The following AGTPBP1 variants were observed in gnomAD, a reference collection of about 807,000 sequenced individuals.
AGTPBP1 encodes ATP/GTP binding carboxypeptidase 1, also known as cytosolic carboxypeptidase 1.
Under a neutral mutation model 143.9 loss-of-function variants are expected in AGTPBP1, and 70 were observed. The ratio of observed to expected loss-of-function variants is 0.49; its 90% CI spans 0.40 to 0.59. The LOEUF (loss-of-function observed/expected upper bound fraction) is 0.59. Among genes scored for constraint, AGTPBP1 ranks in the 20% least tolerant of loss-of-function variants. AGTPBP1 has a pLI of 0.00. For missense variants in AGTPBP1, 1,229 were observed against 1,464.5 expected, an observed-to-expected ratio of 0.84 and a Z score of 2.62; for synonymous variants, 463 against 500.2, an observed-to-expected ratio of 0.93 and a Z score of 0.99.
chr9:85,677,675 T>G, intron 5 of AGTPBP1, 93 bp from the exon 6 acceptor site: 3 of 1,109,944 alleles, frequency 2.7e-6, no homozygotes, highest in Non-Finnish European at 3.7e-6. Context: ...CTTGTTAGCA[T>G]TCAAGAAATG....
At chr9:85,743,273 ATAT>A (rs1824490679), upstream of AGTPBP1, among the ~76,000 whole-genome samples, 1 of 152,208 alleles carries the variant, frequency 6.6e-6, no homozygotes, top group Non-Finnish European at 1.5e-5. Context: ...ATATAGGAAG[ATAT>A]TATGTGGATG....
chr9:85,618,054 A>G (rs939701695), intron 17 of AGTPBP1, among the ~76,000 whole-genome samples: 7 of 152,134 alleles, frequency 4.6e-5, no homozygotes, highest in Admixed American at 3.9e-4. Flanking sequence ...AGCCTGGCCA[A>G]CATGGTGAAA....
At chr9:85,677,605 ATT>A in intron 5 of AGTPBP1, 23 bp from the exon 6 acceptor site, 1 of 1,462,192 alleles carries the variant, frequency 6.8e-7, no homozygotes, top group Non-Finnish European at 9.1e-7. Context: ...AAAAAAAAAA[ATT>A]TAAACAACAA....
At chr9:85,643,320 T>C (rs1159698966) in intron 12 of AGTPBP1, among the ~76,000 whole-genome samples, 1 of 152,222 alleles carries the variant, frequency 6.6e-6, no homozygotes, top group African/African-American at 2.4e-5. Flanking sequence ...CTAAGCATTT[T>C]ACATCTATTA....
At chr9:85,594,654 A>G (rs1829183434) in intron 18 of AGTPBP1, among the ~76,000 whole-genome samples, 1 of 152,234 alleles carries the variant, frequency 6.6e-6, no homozygotes, top group South Asian at 2.1e-4. Flanking sequence ...ACTAGAATAG[A>G]GTCTTACATA....
chr9:85,702,857 T>C (rs528805183), intron 2 of AGTPBP1, among the ~76,000 whole-genome samples: 12 of 152,250 alleles, frequency 7.9e-5, no homozygotes, highest in Admixed American at 5.2e-4. Context: ...TACATGCTAT[T>C]GGTTTACATA....
At chr9:85,619,346 T>A in intron 15 of AGTPBP1, 45 bp from the exon 16 acceptor site, 1 of 1,352,422 alleles carries the variant, frequency 7.4e-7, no homozygotes, top group Non-Finnish European at 1.0e-6. Context: ...ACATTGCATT[T>A]AAACAGATGA....
intron 14 of AGTPBP1, among the ~76,000 whole-genome samples, chr9:85,627,907 G>A (rs1831403922): frequency 6.6e-6 from 1 of 152,174 alleles, no homozygotes; most frequent in Admixed American, 6.5e-5. Flanking sequence ...TACTGGTAAG[G>A]CTTCCGGCCA....
At chr9:85,619,453 A>G (rs112873668) in intron 15 of AGTPBP1, 152 bp from the exon 16 acceptor site, 82 of 580,530 alleles carry the variant, frequency 1.4e-4, no homozygotes, top group African/African-American at 1.3e-3. Flanking sequence ...AGCACAATCA[A>G]TACATTAAAT....
chr9:85,750,145 G>A, the AGTPBP1 span, among the ~76,000 whole-genome samples: 1 of 152,198 alleles, frequency 6.6e-6, no homozygotes, highest in Non-Finnish European at 1.5e-5. Flanking sequence ...GCCTCCCAAA[G>A]TGCTGGGATT....
At chr9:85,762,324 A>T in the AGTPBP1 span, among the ~76,000 whole-genome samples, 1 of 152,200 alleles carries the variant, frequency 6.6e-6, no homozygotes, top group Non-Finnish European at 1.5e-5. Flanking sequence ...ATGCACACAT[A>T]TGTTTATTGC....
intron 8 of AGTPBP1, among the ~76,000 whole-genome samples, chr9:85,663,229 GAAGT>G (rs1343891501): frequency 3.3e-5 from 5 of 152,146 alleles, no homozygotes; most frequent in African/African-American, 1.2e-4. Context: ...ACATGTGTGT[GAAGT>G]AACTACTAAG....
intron 13 of AGTPBP1, among the ~76,000 whole-genome samples, chr9:85,636,391 T>C (rs1429090960): frequency 6.6e-6 from 1 of 151,104 alleles, no homozygotes. Context: ...GCTTCCCGAG[T>C]AGCTAGGATT....
intron 2 of AGTPBP1, among the ~76,000 whole-genome samples, chr9:85,697,792 C>A (rs1471624184): frequency 6.6e-6 from 1 of 152,114 alleles, no homozygotes; most frequent in Non-Finnish European, 1.5e-5. Context: ...ATAAAATAAT[C>A]CGCATGAACA....
chr9:85,620,314 T>G lies in AGTPBP1; in HGVS notation c.2099+888A>C, dbSNP rs539606221. Among the ~76,000 whole-genome samples, 3 of 150,670 alleles carry G rather than the reference T, an allele frequency of 2.0e-5. No homozygotes were observed. The South Asian group carries it at 6.3e-4, about 32-fold the overall frequency. Reference sequence around the variant, plus strand: ...CTGTAGTCCCAGCTACTCAGGAGGCTGAGGCAGGAGAATCACTTAAGCCCA... The same window carrying G: ...CTGTAGTCCCAGCTACTCAGGAGGCGGAGGCAGGAGAATCACTTAAGCCCA... On this transcript the variant is annotated intron_variant, in intron 15 of 25. Coordinates refer to ENST00000357081, the MANE Select transcript of AGTPBP1 (RefSeq NM_001330701.2).
At chr9:85,767,348 A>AT in the AGTPBP1 span, among the ~76,000 whole-genome samples, 781 of 105,108 alleles carry the variant, frequency 7.4e-3, 9 homozygotes, top group African/African-American at 0.015. Context: ...TGCCCAGCTA[A>AT]TTTTTTTTTT....
chr9:85,734,898 T>G (rs1839137937), intron 1 of AGTPBP1, among the ~76,000 whole-genome samples: 1 of 151,984 alleles, frequency 6.6e-6, no homozygotes, highest in Non-Finnish European at 1.5e-5. Context: ...TAGCCAGGCA[T>G]GGTGACACAC....
intron 23 of AGTPBP1, 64 bp downstream of exon 23, chr9:85,585,399 T>C (rs1385543774): frequency 2.6e-5 from 37 of 1,424,062 alleles, no homozygotes; most frequent in Non-Finnish European, 3.3e-5. Context: ...TTCATATATG[T>C]TCTTTTCTGT....
chr9:85,774,001 A>G, the AGTPBP1 span: 1 of 1,610,774 alleles, frequency 6.2e-7, no homozygotes. Flanking sequence ...AAGGAGCACG[A>G]ACAAAAGATG....
Sources: allele counts gnomAD v4.1 joint callset (sites outside exome capture counted in the v4.1 genomes callset), GRCh38; gene constraint gnomAD v4.1.1; transcripts MANE v1.5; gene names NCBI Gene and HGNC (gene_info 2026-07-23, HGNC 2026-07-21).